TLN2: variants seen among roughly 807,000 people sequenced by gnomAD.
The protein encoded by TLN2 is talin 2.
TLN2 carries 118 observed loss-of-function variants against 294.7 expected under a neutral mutation model. The observed-to-expected ratio is 0.40, with a 90% CI of 0.34 to 0.47. The LOEUF is 0.47. TLN2 is among the 20% of genes least tolerant of loss of function. The pLI is 0.84. For synonymous variants in TLN2, 1,431 were observed against 1,304.5 expected (o/e 1.10, Z -2.09); for missense variants, 3,083 against 3,282.2 (o/e 0.94, Z 1.48).
chr15:62,480,336 C>G (rs1190412312), intron 1 of TLN2, among the ~76,000 whole-genome samples: 1 of 152,184 alleles, frequency 6.6e-6, no homozygotes, highest in Non-Finnish European at 1.5e-5. Context: ...GCCTCAACTT[C>G]CCGAGTAGCT....
chr15:62,638,131 T>C (rs184139936), intron 3 of TLN2: 31 of 164,996 alleles, frequency 1.9e-4, no homozygotes, highest in African/African-American at 3.8e-4. Context: ...TGTGAGAACA[T>C]AGGCGTCGGC....
intron 1 of TLN2, among the ~76,000 whole-genome samples, chr15:62,458,974 G>A (rs568631608): frequency 1.3e-5 from 2 of 152,024 alleles, no homozygotes; most frequent in Non-Finnish European, 1.5e-5. Context: ...TATGGCACTA[G>A]CTCTATGTGG....
intron 40 of TLN2, 55 bp from the exon 41 acceptor site, chr15:62,766,266 T>C (rs2062997052): frequency 6.7e-7 from 1 of 1,484,152 alleles, no homozygotes; most frequent in African/African-American, 1.4e-5. Context: ...TTTGAATCAG[T>C]GCAGCTCTGT....
intron 28 of TLN2, among the ~76,000 whole-genome samples, chr15:62,735,255 G>T (rs1377035749): frequency 6.6e-6 from 1 of 152,214 alleles, no homozygotes; most frequent in African/African-American, 2.4e-5. Context: ...GGCGTTATAT[G>T]TGTCCTGGCA....
At chr15:62,830,563 C>A (rs1177429848) in intron 54 of TLN2, 1 of 143,936 alleles carries the variant, frequency 6.9e-6, no homozygotes, top group Non-Finnish European at 1.5e-5. Flanking sequence ...GGAGCTGGAA[C>A]TGATGGGGCA....
intron 50 of TLN2, among the ~76,000 whole-genome samples, 148 bp from the exon 51 acceptor site, chr15:62,805,439 AACCATATTACTGT>A (rs2066211876): frequency 6.6e-6 from 1 of 152,230 alleles, no homozygotes; most frequent in South Asian, 2.1e-4. Context: ...TGAAAACAAG[AACCATATTACTGT>A]ACTCAAATTT....
At chr15:62,561,600 G>C (rs1414280699) in intron 1 of TLN2, 1 of 152,204 alleles carries the variant, frequency 6.6e-6, no homozygotes, top group Non-Finnish European at 1.5e-5. Context: ...TCACAATTGC[G>C]AACATTTCCA....
At chr15:62,479,671 C>T (rs369069346) in intron 1 of TLN2, among the ~76,000 whole-genome samples, 6 of 152,030 alleles carry the variant, frequency 3.9e-5, no homozygotes, top group South Asian at 2.1e-4. Flanking sequence ...TTTTTAGTAG[C>T]GACGGGGTTT....
rs537755730 is a variant in TLN2, at chr15:62,708,305, A to G, written c.2173-197A>G. ...ACATGTCAAATCACAAGGATGAAGT[A>G]GAATAGCAGAGCGTGTGAGACTGAA... is the stretch of plus-strand genomic sequence containing the variant. On this transcript the variant is annotated intron_variant, in intron 20 of 58. Transcript: ENST00000636159. Among the ~76,000 whole-genome samples, 44 of 152,228 alleles carry G rather than the reference A, an allele frequency of 2.9e-4. 1 individual carries two copies. Among genetic ancestry groups the G allele is most frequent in the Non-Finnish European group, 5.4e-4 (37 of 68,032 alleles).
intron 3 of TLN2, among the ~76,000 whole-genome samples, chr15:62,628,309 T>A (rs1383580784): frequency 1.3e-5 from 2 of 152,256 alleles, no homozygotes; most frequent in African/African-American, 4.8e-5. Flanking sequence ...CCTGCCCTTT[T>A]AAAGCAGCAG....
intron 2 of TLN2, among the ~76,000 whole-genome samples, chr15:62,614,416 G>T (rs921023453): frequency 6.6e-6 from 1 of 152,148 alleles, no homozygotes; most frequent in Non-Finnish European, 1.5e-5. Flanking sequence ...AGTCATTACA[G>T]CATCAACTAT....
Position 62,719,772 on chromosome 15 carries a change from G to A in TLN2, c.2883G>A (p.Val961=). The A allele has an allele frequency of 6.2e-7, 1 of 1,603,372 alleles. No homozygotes were observed. The change falls in exon 25 of 59, where the codon GTG becomes GTA. Residue 961 remains valine, a synonymous_variant. Transcript: ENST00000636159. ...QQQLVQSCKA[V]ADHIPQLVQG... ...TATTTCCTTGCCTTCTGCAGGCAGT[G>A]GCTGATCACATCCCTCAGCTGGTCC...
At chr15:62,799,335 T>C (rs1430394695) in intron 48 of TLN2, among the ~76,000 whole-genome samples, 1 of 152,072 alleles carries the variant, frequency 6.6e-6, no homozygotes, top group Non-Finnish European at 1.5e-5. Flanking sequence ...AAAGGGAAAA[T>C]GTTTTTATTA....
intron 1 of TLN2, among the ~76,000 whole-genome samples, chr15:62,587,400 T>G (rs1192610096): frequency 6.6e-6 from 1 of 152,248 alleles, no homozygotes; most frequent in African/African-American, 2.4e-5. Context: ...CATAACTATT[T>G]TGATAAACAT....
intron 9 of TLN2, among the ~76,000 whole-genome samples, chr15:62,663,224 G>C (rs561011789): frequency 6.6e-6 from 1 of 152,138 alleles, no homozygotes; most frequent in Admixed American, 6.5e-5. Flanking sequence ...AAGACTATAT[G>C]ATTGTCTTAA....
chr15:62,579,695 A>T (rs1407492034), intron 1 of TLN2, among the ~76,000 whole-genome samples: 1 of 152,140 alleles, frequency 6.6e-6, no homozygotes. Context: ...CAGACCCGAG[A>T]TACTTCATTA....
intron 3 of TLN2, among the ~76,000 whole-genome samples, chr15:62,635,212 T>C (rs1202537000): frequency 6.6e-6 from 1 of 152,226 alleles, no homozygotes; most frequent in African/African-American, 2.4e-5. Context: ...TGGGTTGTTT[T>C]GTAAAAATAC....
At position 62,739,479 on chromosome 15, in the gene TLN2, T is replaced by G; in HGVS notation, c.3819T>G (p.Ser1273=). The change falls in exon 31 of 59, where the codon TCT becomes TCG. Residue 1273 remains serine (S), a synonymous_variant. Coordinates refer to ENST00000636159, the MANE Select transcript of TLN2 (RefSeq NM_015059.3). ...RGQSGELAAA[S]GKFSDDFDEF... is the part of the protein sequence containing the mutation. ...AGAGTGGAGAGTTGGCTGCAGCCTC[T>G]GGAAAGTTCAGTGATGATTTTGATG... 1 of 1,614,182 alleles carries G rather than the reference T, an allele frequency of 6.2e-7. No homozygotes were observed. Among genetic ancestry groups the G allele is most frequent in the Non-Finnish European group, 8.5e-7 (1 of 1,180,030 alleles).
At chr15:62,613,410 C>T (rs1228416783) in intron 2 of TLN2, among the ~76,000 whole-genome samples, 1 of 152,116 alleles carries the variant, frequency 6.6e-6, no homozygotes, top group Non-Finnish European at 1.5e-5. Flanking sequence ...GACAGGGGAT[C>T]CCGTGTCCTA....
Sources: allele counts gnomAD v4.1 joint callset (sites outside exome capture counted in the v4.1 genomes callset), GRCh38; gene constraint gnomAD v4.1.1; transcripts MANE v1.5; gene names NCBI Gene and HGNC (gene_info 2026-07-23, HGNC 2026-07-21).